Variants in DLG2 observed in about 807,000 individuals in gnomAD.
DLG2 encodes discs large MAGUK scaffold protein 2, also known as disks large homolog 2.
A neutral mutation model predicts 132.5 loss-of-function variants in DLG2; 45 were observed. That is an observed-to-expected ratio of 0.34 (90% CI 0.27 to 0.44). The LOEUF is 0.44. Ranked by LOEUF, DLG2 falls within the 20% of genes least tolerant of loss-of-function variation. The pLI, the probability that DLG2 is intolerant of heterozygous loss-of-function variation, is 1.00. For synonymous variants in DLG2, 424 were observed against 419.6 expected, an observed-to-expected ratio of 1.01 and a Z score of -0.13; for missense variants, 1,045 against 1,196.9, an observed-to-expected ratio of 0.87 and a Z score of 1.87.
intron 6 of DLG2, among the ~76,000 whole-genome samples, chr11:84,696,082 A>C (rs902677241): frequency 2.6e-5 from 4 of 151,550 alleles, no homozygotes; most frequent in African/African-American, 9.7e-5. Context: ...AACAAAATTG[A>C]ATGAGTAGAA....
intron 9 of DLG2, among the ~76,000 whole-genome samples, chr11:84,128,226 A>G (rs1159803434): frequency 6.6e-6 from 1 of 152,178 alleles, no homozygotes; most frequent in Non-Finnish European, 1.5e-5. Context: ...TGGGACTCAG[A>G]TTAAAGGCCT....
chr11:84,605,179 C>T lies in DLG2; in HGVS notation c.358-70448G>A, dbSNP rs558874343. ...TATTTAAAATATTCCAATTAATGGG[C>T]ATTTCCTTTGATGCCAATGTAACAG... On this transcript the variant is annotated intron_variant, in intron 6 of 27. Transcript: ENST00000376104. Among the ~76,000 whole-genome samples the T allele has an allele frequency of 3.3e-5, 5 of 151,974 alleles. No homozygotes were observed. In the East Asian group the frequency reaches 9.6e-4, roughly 29 times the overall value.
At chr11:85,484,405 T>C (rs1396951193) in intron 3 of DLG2, among the ~76,000 whole-genome samples, 2 of 149,652 alleles carry the variant, frequency 1.3e-5, no homozygotes, top group African/African-American at 5.0e-5. Context: ...ACCATCAGAG[T>C]GAACAGGCAA....
At chr11:84,160,997 A>T (rs1003460923) in intron 9 of DLG2, among the ~76,000 whole-genome samples, 5 of 152,170 alleles carry the variant, frequency 3.3e-5, no homozygotes, top group Admixed American at 1.3e-4. Flanking sequence ...TGAGAAAGTG[A>T]TTTTTTCTAA....
chr11:84,040,064 G>T (rs926642580), intron 11 of DLG2, among the ~76,000 whole-genome samples: 4 of 151,730 alleles, frequency 2.6e-5, no homozygotes, highest in Non-Finnish European at 4.4e-5. Flanking sequence ...TTTTGATAGG[G>T]TTGTTTGTTT....
At chr11:85,128,623 G>A (rs1017522325) in intron 5 of DLG2, among the ~76,000 whole-genome samples, 18 of 152,264 alleles carry the variant, frequency 1.2e-4, no homozygotes, top group Admixed American at 2.6e-4. Context: ...CTGCGATCCA[G>A]AACTATTGTC....
intron 19 of DLG2, among the ~76,000 whole-genome samples, chr11:83,547,654 A>G (rs1472607235): frequency 5.9e-5 from 9 of 152,138 alleles, no homozygotes; most frequent in African/African-American, 2.2e-4. Context: ...GCAGAAAACA[A>G]TTCTCCTATT....
chr11:84,203,157 T>C (rs1264676364), intron 8 of DLG2, among the ~76,000 whole-genome samples: 1 of 152,174 alleles, frequency 6.6e-6, no homozygotes, highest in Non-Finnish European at 1.5e-5. Context: ...TAAAATCACA[T>C]GCACATGTAT....
At chr11:85,051,859 G>A (rs1026642195) in intron 6 of DLG2, among the ~76,000 whole-genome samples, 3 of 152,038 alleles carry the variant, frequency 2.0e-5, no homozygotes, top group Non-Finnish European at 2.9e-5. Flanking sequence ...CACAAAACAC[G>A]CACCTAGTAA....
chr11:83,813,978 G>A (rs1243413786), intron 17 of DLG2, among the ~76,000 whole-genome samples: 3 of 152,066 alleles, frequency 2.0e-5, no homozygotes, highest in Non-Finnish European at 2.9e-5. Context: ...AAACAACAGA[G>A]TCAGGATGCA....
intron 15 of DLG2, among the ~76,000 whole-genome samples, chr11:83,893,416 AGCCATGCTG>A (rs1472630858): frequency 4.6e-5 from 7 of 152,134 alleles, no homozygotes; most frequent in African/African-American, 1.7e-4. Context: ...TCCCTAACCT[AGCCATGCTG>A]GCCTTCTTCC....
chr11:83,804,307 A>C (rs903102192), intron 17 of DLG2, among the ~76,000 whole-genome samples: 5 of 152,116 alleles, frequency 3.3e-5, no homozygotes, highest in African/African-American at 7.2e-5. Flanking sequence ...TGAATGAGAA[A>C]TAATATTTAT....
At position 85,316,931 on chromosome 11, in the gene DLG2, T is replaced by C. The variant is rs149169132; in HGVS notation, c.41-31566A>G. Among the ~76,000 whole-genome samples the C allele has an allele frequency of 2.0e-3, 267 of 131,772 alleles. 1 individual carries two copies. The highest frequency in any genetic ancestry group is 7.2e-3 in the African/African-American group (259 of 35,994). 86.4% of individuals were successfully genotyped at this position (131,772 alleles called of 152,430 possible). On this transcript the variant is annotated intron_variant, in intron 3 of 27. Transcript: ENST00000376104. Reference sequence around the variant, plus strand: ...CTTATCAAATACATACTTAAATAAATCAAAACTGTAGTAAAAGCAATGTAA... The same window carrying C: ...CTTATCAAATACATACTTAAATAAACCAAAACTGTAGTAAAAGCAATGTAA...
intron 11 of DLG2, among the ~76,000 whole-genome samples, chr11:84,041,555 A>G (rs2096080406): frequency 6.6e-6 from 1 of 151,936 alleles, no homozygotes; most frequent in Non-Finnish European, 1.5e-5. Context: ...AAGGCTGAAC[A>G]TTATATAAAT....
At chr11:85,453,982 T>C (rs139445195) in intron 3 of DLG2, among the ~76,000 whole-genome samples, 1 of 152,156 alleles carries the variant, frequency 6.6e-6, no homozygotes, top group East Asian at 1.9e-4. Flanking sequence ...TTTGTGTCCA[T>C]GTGTTTTCAT....
intron 6 of DLG2, among the ~76,000 whole-genome samples, chr11:85,067,964 G>T (rs1196863865): frequency 2.6e-5 from 4 of 152,006 alleles, no homozygotes; most frequent in African/African-American, 4.8e-5. Flanking sequence ...TGATCAAGTG[G>T]GCTTCGTCCC....
Position 84,089,178 on chromosome 11 carries a change from A to G in DLG2, c.749+9745T>C, listed in dbSNP as rs968995107. Reference sequence around the variant, plus strand: ...TATTTCCACTTCCTAGAAATCTTTCATTTTCTTAAACAATTGGTAAGTGGG... The same window carrying G: ...TATTTCCACTTCCTAGAAATCTTTCGTTTTCTTAAACAATTGGTAAGTGGG... On this transcript the variant is annotated intron_variant, in intron 10 of 27. Transcript: ENST00000376104. 7.9e-5 allele frequency among the ~76,000 whole-genome samples: 12 copies of G among 152,212 alleles called. No individual in the cohort carries two copies. In the East Asian group the frequency reaches 2.3e-3, roughly 29 times the overall value.
intron 4 of DLG2, among the ~76,000 whole-genome samples, chr11:85,206,785 A>G (rs1264973268): frequency 6.6e-6 from 1 of 152,074 alleles, no homozygotes; most frequent in Non-Finnish European, 1.5e-5. Context: ...GTGAGACGAG[A>G]TCATGCCACT....
At chr11:84,104,519 C>T (rs2092768118) in intron 9 of DLG2, among the ~76,000 whole-genome samples, 1 of 152,052 alleles carries the variant, frequency 6.6e-6, no homozygotes, top group Non-Finnish European at 1.5e-5. Flanking sequence ...CAAACCTCAG[C>T]ACCACATGAT....
Sources: gnomAD v4.1 joint callset for allele counts (sites outside exome capture counted in the v4.1 genomes callset) on GRCh38, gnomAD v4.1.1 for gene constraint, MANE v1.5 for transcripts, NCBI Gene and HGNC (gene_info 2026-07-23, HGNC 2026-07-21) for gene names.